ZGRF1: variants seen among roughly 807,000 people sequenced by gnomAD.
ZGRF1 encodes the protein 5'-3' DNA helicase ZGRF1.
ZGRF1 carries 196 observed loss-of-function variants against 203.5 expected under a neutral mutation model. The observed-to-expected ratio is 0.96, with a 90% confidence interval of 0.86 to 1.08. ZGRF1 has a LOEUF of 1.08. Ranked by LOEUF, ZGRF1 falls within the 50% of genes least tolerant of loss-of-function variation. ZGRF1 has a pLI of 0.00. For missense variants in ZGRF1, 2,326 were observed against 2,416.3 expected, an observed-to-expected ratio of 0.96 and a Z score of 0.78; for synonymous variants, 809 against 841.3, an observed-to-expected ratio of 0.96 and a Z score of 0.66.
At chr4:112,554,212 C>T (rs1578696331) in intron 21 of ZGRF1, among the ~76,000 whole-genome samples, 1 of 116,260 alleles carries the variant, frequency 8.6e-6, no homozygotes, top group South Asian at 3.2e-4. Context: ...CCTCCCCCCA[C>T]CCACAACACG....
intron 16 of ZGRF1, chr4:112,565,372 T>C (rs1309648167): frequency 2.0e-6 from 2 of 1,023,740 alleles, no homozygotes; most frequent in Admixed American, 1.7e-5. Flanking sequence ...CCAGCTAGCA[T>C]GCCACATACG....
At position 112,619,253 on chromosome 4, in the gene ZGRF1, T is replaced by C. The variant is rs563954183; in HGVS notation, c.789A>G (p.Ser263=). The part of the protein sequence containing the change: ...AQILALLKSE[S]SSSCEELNSE... ...AATTTAGTTCCTCACATGAACTAGA[T>C]GATTCGGACTTCAGAAGAGCTAATA... Residue 263 remains serine (S), a synonymous_variant, in exon 6 of 28, where the codon TCA becomes TCG. Transcript: ENST00000505019. The C allele has an allele frequency of 1.1e-5, 18 of 1,613,334 alleles. No individual in the cohort carries two copies. Among genetic ancestry groups the C allele is most frequent in the East Asian group, 1.1e-4 (5 of 44,874 alleles).
intron 9 of ZGRF1, among the ~76,000 whole-genome samples, chr4:112,604,350 C>T (rs940600031): frequency 2.6e-5 from 4 of 152,140 alleles, no homozygotes; most frequent in African/African-American, 9.6e-5. Flanking sequence ...AGTTGCTTCT[C>T]AATGCTTCCA....
intron 16 of ZGRF1, among the ~76,000 whole-genome samples, chr4:112,572,795 G>GA (rs1212982417): frequency 1.3e-5 from 2 of 152,036 alleles, no homozygotes; most frequent in Non-Finnish European, 2.9e-5. Flanking sequence ...CAACAAACAT[G>GA]AAAAAATGCT....
Position 112,582,524 on chromosome 4 carries a change from C to T in ZGRF1, c.4299-722G>A, listed in dbSNP as rs138471591. Among the ~76,000 whole-genome samples the T allele has an allele frequency of 5.3e-3, 805 of 152,096 alleles. 13 individuals are homozygous for T. Among genetic ancestry groups the T allele is most frequent in the African/African-American group, 0.017 (717 of 41,480 alleles). On this transcript the variant is annotated intron_variant, in intron 15 of 27. Transcript: ENST00000505019. ...TGGAAGTGCAGTGGCATGACCTTGGCTCACTGCAACCTCCACCTCCTTGGG... is the reference window on the plus strand; with the variant it reads ...TGGAAGTGCAGTGGCATGACCTTGGTTCACTGCAACCTCCACCTCCTTGGG...
Position 112,585,599 on chromosome 4 carries a change from G to A in ZGRF1, c.4043C>T (p.Ser1348Phe). 1 of 1,612,418 alleles carries A rather than the reference G, an allele frequency of 6.2e-7. No individual in the cohort carries two copies. Among genetic ancestry groups the A allele is most frequent in the South Asian group, 1.1e-5 (1 of 90,876 alleles). Residue 1348 changes from serine to phenylalanine, a missense_variant, in exon 14 of 28, where the codon TCC becomes TTC. Physicochemically the swap from Ser to Phe is radical, Grantham distance 155. Coordinates refer to ENST00000505019, the MANE Select transcript of ZGRF1 (RefSeq NM_018392.5). ...KLKNAENNVP[S>F]CHHSQPAKLV... ...TTTTGCAGGTTGACTATGATGGCAG[G>A]ATGGTACATTATTTTCTGCGTTTTT...
chr4:112,586,882 T>C (rs1747279729), intron 12 of ZGRF1, among the ~76,000 whole-genome samples: 1 of 152,220 alleles, frequency 6.6e-6, no homozygotes, highest in African/African-American at 2.4e-5. Flanking sequence ...TCTTTATTTC[T>C]GGTTATGACT....
chr4:112,583,179 A>G (rs143944100), intron 15 of ZGRF1, among the ~76,000 whole-genome samples: 4 of 152,352 alleles, frequency 2.6e-5, no homozygotes, highest in Non-Finnish European at 4.4e-5. Context: ...GGCCTGGCAT[A>G]TATCAGCTCC....
intron 10 of ZGRF1, among the ~76,000 whole-genome samples, chr4:112,592,152 C>T (rs1361480749): frequency 1.4e-5 from 2 of 144,962 alleles, no homozygotes; most frequent in African/African-American, 5.1e-5. Flanking sequence ...GGCTGGAGTG[C>T]AGTGGCGTGA....
chr4:112,618,637 C>T lies in ZGRF1; in HGVS notation c.1405G>A (p.Glu469Lys), dbSNP rs536014007. 6.2e-7 allele frequency: 1 copy of T among 1,613,200 alleles called. No individual in the cohort carries two copies. Among genetic ancestry groups the T allele is most frequent in the African/African-American group, 1.3e-5 (1 of 75,020 alleles). Residue 469 changes from glutamate (E) to lysine (K), a missense_variant, in exon 6 of 28, where the codon GAA becomes AAA. Transcript: ENST00000505019. ...GACTCTGATTGTTCATACTCCTTTT[C>T]CAGTGTTCCACATGTATTTACCTCC... ...AQEVNTCGTL[E>K]KEYEQSESSL...
At chr4:112,600,367 C>T (rs911043768) in intron 10 of ZGRF1, among the ~76,000 whole-genome samples, 2 of 151,978 alleles carry the variant, frequency 1.3e-5, no homozygotes, top group Non-Finnish European at 2.9e-5. Context: ...AAGCGCTAAT[C>T]GTAAAGGAAA....
intron 3 of ZGRF1, among the ~76,000 whole-genome samples, chr4:112,630,244 G>A (rs537401737): frequency 6.6e-6 from 1 of 152,044 alleles, no homozygotes; most frequent in Non-Finnish European, 1.5e-5. Context: ...CAGGCCAGGC[G>A]CAGTGGCTCA....
At position 112,539,906 on chromosome 4, in the gene ZGRF1, C is replaced by G; in HGVS notation, c.6129G>C (p.Leu2043Phe). The G allele has an allele frequency of 6.2e-7, 1 of 1,613,868 alleles. No homozygotes were observed. The highest frequency in any genetic ancestry group is 8.5e-7 in the Non-Finnish European group (1 of 1,179,790). The change falls in exon 27 of 28, where the codon TTG becomes TTC. Residue 2043 changes from leucine (L) to phenylalanine (F), a missense_variant. Leu to Phe is a conservative substitution (Grantham distance 22, BLOSUM62 0). Transcript: ENST00000505019. ...CTCGTCCCCAAAGTTGATTTTTCCTCAAACAGGCTAAATTTCCCACAATCA... is the reference window on the plus strand; with the variant it reads ...CTCGTCCCCAAAGTTGATTTTTCCTGAAACAGGCTAAATTTCCCACAATCA... ...HLLIVGNLAC[L>F]RKNQLWGRVI... is the part of the protein sequence containing the mutation.
chr4:112,547,206 T>G (rs534830692), intron 24 of ZGRF1, 79 bp downstream of exon 24: 2 of 1,392,152 alleles, frequency 1.4e-6, no homozygotes, highest in Admixed American at 2.5e-5. Flanking sequence ...TCTTCTAATA[T>G]TTTCATTCTC....
chr4:112,633,229 A>T lies in ZGRF1; in HGVS notation c.-53T>A, dbSNP rs13104310. ...GGGTCCAGAAAATAGGAAATATTCAACTATTTATACCACCTAAAATTAAAA... is the reference window on the plus strand; with the variant it reads ...GGGTCCAGAAAATAGGAAATATTCATCTATTTATACCACCTAAAATTAAAA... On this transcript the variant is annotated 5_prime_UTR_variant, in exon 2 of 28. The change creates a new upstream start codon in the 5' untranslated region. Transcript: ENST00000505019. The T allele has an allele frequency of 0.43, 609,750 of 1,409,646 alleles. 131,689 individuals are homozygous for T. The highest frequency in any genetic ancestry group is 0.54 in the Admixed American group (30,010 of 55,426). 87.3% of individuals were successfully genotyped at this position (1,409,646 alleles called of 1,614,324 possible). A position where few individuals can be genotyped will look rare whatever the true frequency, so the allele number is the denominator to read the frequency against.
intron 10 of ZGRF1, among the ~76,000 whole-genome samples, chr4:112,598,446 A>G (rs1376791057): frequency 6.6e-6 from 1 of 151,336 alleles, no homozygotes; most frequent in Non-Finnish European, 1.5e-5. Context: ...AACATTTATA[A>G]TAACGAAAAC....
chr4:112,629,060 G>A (rs567636634), intron 3 of ZGRF1, among the ~76,000 whole-genome samples: 1 of 152,292 alleles, frequency 6.6e-6, no homozygotes, highest in South Asian at 2.1e-4. Flanking sequence ...TGGAGATCCT[G>A]TTGTTACTAC....
chr4:112,547,265 A>T lies in ZGRF1; in HGVS notation c.5598+20T>A. 1 of 1,597,302 alleles carries T rather than the reference A, an allele frequency of 6.3e-7. No individual in the cohort carries two copies. The highest frequency in any genetic ancestry group is 8.5e-7 in the Non-Finnish European group (1 of 1,174,164). ...TAGAATCAATAAATGATAATTCCGTAAGAATTCAGCAGTATGTACCATTAA... is the reference window on the plus strand; with the variant it reads ...TAGAATCAATAAATGATAATTCCGTTAGAATTCAGCAGTATGTACCATTAA... On this transcript the variant is annotated intron_variant, in intron 24 of 27. Transcript: ENST00000505019.
chr4:112,589,905 C>T, intron 10 of ZGRF1, 31 bp from the exon 11 acceptor site: 1 of 1,496,044 alleles, frequency 6.7e-7, no homozygotes, highest in Non-Finnish European at 8.9e-7. Context: ...AAACTACAGA[C>T]CAAAATCTTC....
Sources: gnomAD v4.1 joint callset for allele counts (sites outside exome capture counted in the v4.1 genomes callset) on GRCh38, gnomAD v4.1.1 for gene constraint, MANE v1.5 for transcripts, NCBI Gene and HGNC (gene_info 2026-07-23, HGNC 2026-07-21) for gene names.